Variants in GSTCD observed in about 807,000 individuals in gnomAD.
The protein encoded by GSTCD is glutathione S-transferase C-terminal domain-containing protein.
A neutral mutation model predicts 68.3 loss-of-function variants in GSTCD; 44 were observed. That is an observed-to-expected ratio of 0.64 (90% CI 0.51 to 0.83). The LOEUF is 0.83. Ranked by LOEUF, GSTCD falls within the 40% of genes least tolerant of loss-of-function variation. The pLI is 0.00. For synonymous variants in GSTCD, 273 were observed against 255.2 expected (o/e 1.07, Z -0.67); for missense variants, 739 against 735.9 (o/e 1.00, Z -0.05).
intron 5 of GSTCD, among the ~76,000 whole-genome samples, chr4:105,749,033 G>A (rs1733912409): frequency 1.3e-5 from 2 of 151,772 alleles, no homozygotes; most frequent in South Asian, 4.2e-4. Context: ...CTAATCTGGT[G>A]AGTTTTTAAA....
chr4:105,747,053 AG>A (rs1733828963), intron 5 of GSTCD, among the ~76,000 whole-genome samples: 1 of 152,226 alleles, frequency 6.6e-6, no homozygotes, highest in Admixed American at 6.5e-5. Flanking sequence ...AAAGGGCTAA[AG>A]GCAGCCTTTT....
Position 105,796,294 on chromosome 4 carries a change from A to G in GSTCD, c.1241-26660A>G, listed in dbSNP as rs542162447. Among the ~76,000 whole-genome samples the G allele has an allele frequency of 9.8e-5, 15 of 152,312 alleles. No homozygotes were observed. The South Asian group carries it at 3.1e-3, about 32-fold the overall frequency. On this transcript the variant is annotated intron_variant, in intron 5 of 11. Transcript: ENST00000515279. ...TTCACCATTGTGAGAACAGCACAGGAAAGAATTGACCCCATGATTCAGTTA... is the reference window on the plus strand; with the variant it reads ...TTCACCATTGTGAGAACAGCACAGGGAAGAATTGACCCCATGATTCAGTTA...
chr4:105,722,696 A>G (rs190045713), intron 3 of GSTCD, among the ~76,000 whole-genome samples: 1 of 152,072 alleles, frequency 6.6e-6, no homozygotes, highest in East Asian at 1.9e-4. Context: ...ACAATTAACT[A>G]CAGAGTTACT....
At chr4:105,807,716 C>T (rs1413464020) in intron 5 of GSTCD, among the ~76,000 whole-genome samples, 1 of 152,024 alleles carries the variant, frequency 6.6e-6, no homozygotes, top group Non-Finnish European at 1.5e-5. Flanking sequence ...CAGCAGGGAG[C>T]ACATGGTATC....
Position 105,719,263 on chromosome 4 carries a change from T to TC in GSTCD, c.634dup (p.Leu212ProfsTer3). On this transcript the variant is annotated frameshift_variant, in exon 3 of 12. Transcript: ENST00000515279. LOFTEE classifies it high-confidence loss of function. ...AACAGAAGGCTGATGGAGTTGGGCC[T>TC]CCCCTTACTAAGGGAAAGGCAAAGA... The TC allele has an allele frequency of 6.2e-7, 1 of 1,614,014 alleles. No individual in the cohort carries two copies. The highest frequency in any genetic ancestry group is 8.5e-7 in the Non-Finnish European group (1 of 1,179,976).
chr4:105,784,959 C>G (rs1735408678), intron 5 of GSTCD, among the ~76,000 whole-genome samples: 1 of 152,086 alleles, frequency 6.6e-6, no homozygotes, highest in Non-Finnish European at 1.5e-5. Context: ...TGAAAGTAGC[C>G]TTTATTCCAA....
intron 4 of GSTCD, among the ~76,000 whole-genome samples, chr4:105,728,007 C>T (rs1298205572): frequency 2.6e-5 from 4 of 152,030 alleles, no homozygotes; most frequent in Non-Finnish European, 4.4e-5. Flanking sequence ...GTAAGGATAC[C>T]AATCCCTTAA....
chr4:105,789,734 G>T (rs1298511401), intron 5 of GSTCD, among the ~76,000 whole-genome samples: 2 of 151,876 alleles, frequency 1.3e-5, no homozygotes, highest in African/African-American at 2.4e-5. Flanking sequence ...AGCCTATAAT[G>T]AAGGGGAGAG....
chr4:105,823,796 T>A (rs1269855370), intron 7 of GSTCD: 1 of 152,262 alleles, frequency 6.6e-6, no homozygotes, highest in Non-Finnish European at 1.5e-5. Context: ...TTGCAAATTT[T>A]AAAAATGCAA....
Position 105,766,887 on chromosome 4 carries a change from C to CTTTTTTTTTTTTTTTT in GSTCD, c.1240+37398_1240+37413dup. Among the ~76,000 whole-genome samples, 62 of 57,120 alleles carry CTTTTTTTTTTTTTTTT rather than the reference C, an allele frequency of 1.1e-3. 3 individuals are homozygous for CTTTTTTTTTTTTTTTT. The highest frequency in any genetic ancestry group is 4.1e-3 in the African/African-American group (51 of 12,430). 37.5% of individuals were successfully genotyped at this position (57,120 alleles called of 152,430 possible). On this transcript the variant is annotated intron_variant, in intron 5 of 11. Coordinates refer to ENST00000515279, the MANE Select transcript of GSTCD (RefSeq NM_001370181.1). ...CAAAAGCATGAATAGGTTTTTGACT[C>CTTTTTTTTTTTTTTTT]TTTTTTTTTTTTTTTTTTTTTTTTT...
intron 5 of GSTCD, among the ~76,000 whole-genome samples, chr4:105,790,056 G>T (rs1321470226): frequency 2.0e-5 from 3 of 152,014 alleles, no homozygotes; most frequent in Admixed American, 1.3e-4. Flanking sequence ...GAGAAAAAAA[G>T]AATAGTTTGA....
At chr4:105,772,102 T>C (rs1475808060) in intron 5 of GSTCD, among the ~76,000 whole-genome samples, 4 of 152,198 alleles carry the variant, frequency 2.6e-5, no homozygotes, top group Non-Finnish European at 5.9e-5. Context: ...TAAGTTGTAT[T>C]CCTAGGTATT....
rs550535564 is a variant in GSTCD at position 105,713,291 on chromosome 4, G to A, written c.-22+4275G>A. Among the ~76,000 whole-genome samples the A allele has an allele frequency of 3.9e-5, 6 of 152,272 alleles. No individual in the cohort carries two copies. In the South Asian group the frequency reaches 1.2e-3, roughly 32 times the overall value. ...TGTGGGTCACTGAGACATCTGCAGA[G>A]TAGCCAATGAAAGGAATCAGGAAAG... On this transcript the variant is annotated intron_variant, in intron 1 of 11. Coordinates refer to ENST00000515279, the MANE Select transcript of GSTCD (RefSeq NM_001370181.1).
intron 5 of GSTCD, among the ~76,000 whole-genome samples, chr4:105,770,596 C>G (rs1240539960): frequency 6.6e-6 from 1 of 152,154 alleles, no homozygotes; most frequent in Non-Finnish European, 1.5e-5. Flanking sequence ...TTATTCAACT[C>G]CCACTTATGA....
At chr4:105,752,168 G>A (rs573125154) in intron 5 of GSTCD, among the ~76,000 whole-genome samples, 3 of 152,182 alleles carry the variant, frequency 2.0e-5, no homozygotes, top group African/African-American at 7.2e-5. Context: ...CTGTTTGTGA[G>A]CCGTGAAACC....
At chr4:105,761,147 G>A (rs1734396546) in intron 5 of GSTCD, 1 of 186,274 alleles carries the variant, frequency 5.4e-6, no homozygotes, top group African/African-American at 2.4e-5. Context: ...GGGATTATAG[G>A]AGCCCGCCAC....
intron 9 of GSTCD, among the ~76,000 whole-genome samples, chr4:105,835,346 G>A (rs1387835645): frequency 6.6e-6 from 1 of 152,152 alleles, no homozygotes; most frequent in East Asian, 1.9e-4. Context: ...ACAGAGTGGT[G>A]AGGGGTACAT....
chr4:105,739,358 G>A (rs546805882), intron 5 of GSTCD, among the ~76,000 whole-genome samples: 2 of 152,212 alleles, frequency 1.3e-5, no homozygotes, highest in African/African-American at 4.8e-5. Flanking sequence ...TTGTATCATG[G>A]TAGTGCTAGC....
intron 5 of GSTCD, among the ~76,000 whole-genome samples, chr4:105,775,413 G>T (rs918843736): frequency 2.0e-5 from 3 of 152,004 alleles, no homozygotes; most frequent in Non-Finnish European, 4.4e-5. Context: ...TGATCCTTTG[G>T]GGGAGAAAAG....
Sources: gnomAD v4.1 joint callset for allele counts (sites outside exome capture counted in the v4.1 genomes callset) on GRCh38, gnomAD v4.1.1 for gene constraint, MANE v1.5 for transcripts, NCBI Gene and HGNC (gene_info 2026-07-23, HGNC 2026-07-21) for gene names.